Variants in CRTC1 observed in about 807,000 individuals in gnomAD.
CRTC1 encodes the protein CREB regulated transcription coactivator 1.
Under a neutral mutation model 66.1 loss-of-function variants are expected in CRTC1, and 18 were observed. The ratio of observed to expected loss-of-function variants is 0.27; its 90% CI spans 0.19 to 0.40. The LOEUF (loss-of-function observed/expected upper bound fraction) is 0.40, where lower values mean the gene tolerates loss of function less well. Ranked by LOEUF, CRTC1 falls within the 10% of genes least tolerant of loss-of-function variation. The probability of loss-of-function intolerance (pLI) is 1.00; values close to 1 mark genes in which losing one functional copy is unlikely to be tolerated. For missense variants in CRTC1, 669 were observed against 887.9 expected, an observed-to-expected ratio of 0.75 and a Z score of 3.13; for synonymous variants, 416 against 398.8, an observed-to-expected ratio of 1.04 and a Z score of -0.51.
intron 1 of CRTC1, among the ~76,000 whole-genome samples, chr19:18,717,932 G>A (rs1457969920): frequency 6.6e-6 from 1 of 152,074 alleles, no homozygotes; most frequent in Non-Finnish European, 1.5e-5. Context: ...TGAGGGAGAA[G>A]AAAAAGACAG....
At chr19:18,762,723 TC>T (rs1361173669) in intron 8 of CRTC1, among the ~76,000 whole-genome samples, 2 of 152,228 alleles carry the variant, frequency 1.3e-5, no homozygotes, top group Non-Finnish European at 2.9e-5. Flanking sequence ...CTGTGCCTGT[TC>T]CCAAAGGTGA....
At chr19:18,770,644 T>C (rs1157074068) in intron 10 of CRTC1, among the ~76,000 whole-genome samples, 3 of 152,024 alleles carry the variant, frequency 2.0e-5, no homozygotes, top group Non-Finnish European at 4.4e-5. Context: ...TGGGTGTGCA[T>C]GCATGTGAAT....
intron 1 of CRTC1, among the ~76,000 whole-genome samples, chr19:18,723,435 G>C (rs1485675646): frequency 1.3e-5 from 2 of 152,214 alleles, no homozygotes; most frequent in African/African-American, 2.4e-5. Context: ...TGCTTCTGAA[G>C]ACAGCTCTCA....
intron 1 of CRTC1, among the ~76,000 whole-genome samples, chr19:18,715,037 A>G (rs1477850872): frequency 6.6e-6 from 1 of 152,226 alleles, no homozygotes; most frequent in Admixed American, 6.5e-5. Flanking sequence ...ACAGAAATGT[A>G]TACTCTCCCA....
chr19:18,742,312 C>T (rs1440784493), intron 1 of CRTC1, among the ~76,000 whole-genome samples: 1 of 152,144 alleles, frequency 6.6e-6, no homozygotes, highest in Non-Finnish European at 1.5e-5. Context: ...GGCCCAGCCC[C>T]CAAGAGGCTG....
chr19:18,710,211 G>A (rs2053359205), intron 1 of CRTC1, among the ~76,000 whole-genome samples: 1 of 152,074 alleles, frequency 6.6e-6, no homozygotes, highest in African/African-American at 2.4e-5. Flanking sequence ...TCACTCGGAA[G>A]TCTCCCACTT....
Position 18,771,859 on chromosome 19 carries a change from C to A in CRTC1, c.1425+313C>A, listed in dbSNP as rs1324435208. Among the ~76,000 whole-genome samples the A allele has an allele frequency of 6.6e-6, 1 of 152,184 alleles. No homozygotes were observed. Among genetic ancestry groups the A allele is most frequent in the African/African-American group, 2.4e-5 (1 of 41,436 alleles). ...CTCATTGAGTGGCCCAGGGACAATG[C>A]CCTCCACACCCAGTGTGTCACCCAG... On this transcript the variant is annotated intron_variant, in intron 11 of 13. Transcript: ENST00000321949. The surrounding 1 kb of genome is among the most constrained non-coding windows in gnomAD (Gnocchi z 4.6).
chr19:18,752,961 C>G (rs549899193), intron 5 of CRTC1, among the ~76,000 whole-genome samples: 2 of 151,278 alleles, frequency 1.3e-5, no homozygotes, highest in African/African-American at 2.4e-5. Flanking sequence ...GTCACAGATT[C>G]TCTGACTTAT....
intron 11 of CRTC1, among the ~76,000 whole-genome samples, chr19:18,773,845 G>A (rs899794910): frequency 1.3e-5 from 2 of 152,106 alleles, no homozygotes; most frequent in Non-Finnish European, 2.9e-5. Context: ...GGAGCAACTG[G>A]TGGGTTTGTG....
At chr19:18,759,620 A>G (rs1045202991) in intron 7 of CRTC1, 29 bp downstream of exon 7, 2 of 1,605,528 alleles carry the variant, frequency 1.2e-6, no homozygotes, top group African/African-American at 1.4e-5. Context: ...CACCCCGCAC[A>G]CTGCATCTGC....
rs545514035 is a variant in CRTC1 at position 18,731,761 on chromosome 19, A to G, written c.127-11149A>G. 5.9e-5 allele frequency among the ~76,000 whole-genome samples: 9 copies of G among 152,216 alleles called. No individual in the cohort carries two copies. The East Asian group carries it at 1.7e-3, about 29-fold the overall frequency. On this transcript the variant is annotated intron_variant, in intron 1 of 13. Transcript: ENST00000321949. ...TATCTTCGGGAGACTCATTCCAGAA[A>G]CACCGCCCACAGCTTCCTGCTCGTC...
intron 1 of CRTC1, among the ~76,000 whole-genome samples, chr19:18,697,255 G>C (rs552322648): frequency 2.0e-5 from 3 of 152,240 alleles, no homozygotes; most frequent in South Asian, 4.1e-4. Context: ...CTTGGCACCG[G>C]GGGGAGCAGC....
chr19:18,718,821 C>T (rs941994103), intron 1 of CRTC1, among the ~76,000 whole-genome samples: 5 of 152,132 alleles, frequency 3.3e-5, no homozygotes, highest in Admixed American at 1.3e-4. Context: ...AGTGGGATTG[C>T]TTGGTCATAA....
rs760949523 is a variant in CRTC1, at chr19:18,777,403, C to T, written c.*21C>T. ...TGTGAGCGGGCACGCCGGCACCCTG[C>T]CGCTCAGCCGTCCCGACGGCGCCTC... is the stretch of plus-strand genomic sequence containing the variant. On this transcript the variant is annotated 3_prime_UTR_variant, in exon 14 of 14. Transcript: ENST00000321949. This position sits in a 1 kb window ranked among gnomAD's most constrained non-coding sequence, Gnocchi z 5.5. 116 of 1,595,642 alleles carry T rather than the reference C, an allele frequency of 7.3e-5. No individual in the cohort carries two copies. Among genetic ancestry groups the T allele is most frequent in the Non-Finnish European group, 9.1e-5 (107 of 1,176,046 alleles).
intron 11 of CRTC1, among the ~76,000 whole-genome samples, chr19:18,773,497 T>C (rs1332303542): frequency 6.6e-6 from 1 of 152,078 alleles, no homozygotes; most frequent in African/African-American, 2.4e-5. Flanking sequence ...AGGGACAGGA[T>C]CAGGCGCTGT....
At chr19:18,734,124 G>GATA (rs1278979896) in intron 1 of CRTC1, among the ~76,000 whole-genome samples, 1 of 151,862 alleles carries the variant, frequency 6.6e-6, no homozygotes, top group Admixed American at 6.6e-5. Flanking sequence ...GTCCAGAACA[G>GATA]ATAAATCCAC....
chr19:18,732,572 A>AGTGTCTCCCTGCTC (rs1247506112), intron 1 of CRTC1, among the ~76,000 whole-genome samples: 1 of 152,112 alleles, frequency 6.6e-6, no homozygotes, highest in African/African-American at 2.4e-5. Context: ...GGATGCAGGG[A>AGTGTCTCCCTGCTC]TTGGGGGTCT....
intron 5 of CRTC1, among the ~76,000 whole-genome samples, chr19:18,751,733 C>T (rs2054368368): frequency 6.6e-6 from 1 of 152,064 alleles, no homozygotes; most frequent in African/African-American, 2.4e-5. Flanking sequence ...GTGCACTGGT[C>T]CCACCTCCAT....
chr19:18,733,022 G>A (rs2145686028), intron 1 of CRTC1, among the ~76,000 whole-genome samples: 2 of 152,056 alleles, frequency 1.3e-5, no homozygotes, highest in South Asian at 4.2e-4. Context: ...AGAAGATGGA[G>A]GCTGCAGTGA....
Sources: gnomAD v4.1 joint callset for allele counts (sites outside exome capture counted in the v4.1 genomes callset) on GRCh38, gnomAD v4.1.1 for gene constraint, Gnocchi (gnomAD v3.1) non-coding constraint, MANE v1.5 for transcripts, NCBI Gene and HGNC (gene_info 2026-07-23, HGNC 2026-07-21) for gene names.